MTCL1: variants seen among roughly 807,000 people sequenced by gnomAD.
MTCL1 encodes microtubule cross-linking factor 1.
MTCL1 carries 79 observed loss-of-function variants against 141.4 expected under a neutral mutation model. That is an observed-to-expected ratio of 0.56 (90% confidence interval 0.47 to 0.67). The LOEUF is 0.67. MTCL1 is among the 30% of genes least tolerant of loss of function. The pLI is 0.00. For synonymous variants in MTCL1, 914 were observed against 875.8 expected, an observed-to-expected ratio of 1.04 and a Z score of -0.77; for missense variants, 2,177 against 2,113.9, an observed-to-expected ratio of 1.03 and a Z score of -0.59.
At chr18:8,755,537 C>G (rs2096392939) in intron 4 of MTCL1, among the ~76,000 whole-genome samples, 1 of 152,140 alleles carries the variant, frequency 6.6e-6, no homozygotes, top group African/African-American at 2.4e-5. Context: ...CCTCACTCTC[C>G]CTGGGACCAG....
chr18:8,707,588 G>C (rs192792981), intron 1 of MTCL1: 1 of 152,654 alleles, frequency 6.6e-6, no homozygotes, highest in Non-Finnish European at 1.5e-5. Flanking sequence ...AAAATAAGGG[G>C]AGTTGTATTG....
intron 7 of MTCL1, among the ~76,000 whole-genome samples, chr18:8,790,483 A>G (rs1297974555): frequency 6.6e-6 from 1 of 152,214 alleles, no homozygotes; most frequent in East Asian, 1.9e-4. Flanking sequence ...AGAGCAGCCT[A>G]GGTGACCTGG....
chr18:8,819,467 G>A (rs996195582), intron 13 of MTCL1, among the ~76,000 whole-genome samples: 1 of 152,138 alleles, frequency 6.6e-6, no homozygotes, highest in Non-Finnish European at 1.5e-5. Flanking sequence ...GTTTAACTTT[G>A]CCCCCTTGTT....
intron 4 of MTCL1, among the ~76,000 whole-genome samples, chr18:8,728,201 G>A (rs2096228834): frequency 6.6e-6 from 1 of 152,104 alleles, no homozygotes; most frequent in Non-Finnish European, 1.5e-5. Flanking sequence ...TTAATTTACA[G>A]TTAATTTAAT....
chr18:8,813,152 G>C, exon 12 of MTCL1: 1 of 1,614,116 alleles, frequency 6.2e-7, no homozygotes, highest in Non-Finnish European at 8.5e-7. Context: ...ACCGGGAGAA[G>C]GTGGAACTTC....
chr18:8,819,290 C>A, intron 13 of MTCL1, 31 bp downstream of exon 12: 2 of 1,605,676 alleles, frequency 1.2e-6, no homozygotes, highest in Non-Finnish European at 8.5e-7. Context: ...CCTAGTTAAC[C>A]ACTGTGGAAT....
intron 11 of MTCL1, among the ~76,000 whole-genome samples, chr18:8,811,652 C>A (rs552007126): frequency 3.3e-4 from 50 of 152,196 alleles, no homozygotes; most frequent in African/African-American, 1.1e-3. Flanking sequence ...TTGAACTCTA[C>A]ATAGGAATAA....
chr18:8,756,418 T>C (rs2096399671), intron 4 of MTCL1, among the ~76,000 whole-genome samples: 1 of 146,786 alleles, frequency 6.8e-6, no homozygotes, highest in Non-Finnish European at 1.5e-5. Context: ...TGTATATGTG[T>C]ATATATGTGT....
At chr18:8,705,625 C>T, upstream of MTCL1, 1 of 1,214,640 alleles carries the variant, frequency 8.2e-7, no homozygotes, top group Middle Eastern at 3.1e-4. The surrounding 1 kb of genome is among the most constrained non-coding windows in gnomAD (Gnocchi z 5.2). Flanking sequence ...TCGTCCGGAG[C>T]ATCTGCTGCC....
At chr18:8,753,415 G>T (rs572071113) in intron 4 of MTCL1, among the ~76,000 whole-genome samples, 1 of 152,364 alleles carries the variant, frequency 6.6e-6, no homozygotes, top group Non-Finnish European at 1.5e-5. Context: ...GCTGGCAGAA[G>T]ACATGAGACT....
intron 10 of MTCL1, 145 bp downstream of exon 9, chr18:8,798,436 G>T (rs2076001488): frequency 3.2e-6 from 2 of 632,292 alleles, no homozygotes; most frequent in Non-Finnish European, 5.0e-6. Flanking sequence ...GTTGTCATTT[G>T]TGATGCTGGG....
exon 6 of MTCL1, chr18:8,784,614 A>C: frequency 1.2e-6 from 2 of 1,613,070 alleles, no homozygotes; most frequent in Admixed American, 1.7e-5. Context: ...GAAGAGGAGC[A>C]GGGTGAGGGG....
chr18:8,797,203 G>T (rs1353202857), intron 9 of MTCL1, among the ~76,000 whole-genome samples: 1 of 152,148 alleles, frequency 6.6e-6, no homozygotes, highest in Non-Finnish European at 1.5e-5. Context: ...GTAAAAGCTG[G>T]TTTCTAAAAC....
intron 11 of MTCL1, 24 bp downstream of exon 10, chr18:8,807,084 C>T (rs770406791): frequency 2.4e-5 from 39 of 1,601,274 alleles, no homozygotes; most frequent in Admixed American, 3.4e-5. Flanking sequence ...AGGTCTCCCT[C>T]GATCCTGACT....
chr18:8,718,653 G>T lies in MTCL1; in HGVS notation c.198+5G>T. ...AGCCTGGAGCAGGACTTGAAGGTGA[G>T]TGAGGGGGTGGTGCGTGCACCTCGC... is the stretch of plus-strand genomic sequence containing the variant. On this transcript the variant is annotated splice_donor_5th_base_variant and intron_variant, in intron 3 of 16. Coordinates refer to ENST00000359865, the Ensembl canonical transcript of MTCL1. The T allele has an allele frequency of 6.2e-7, 1 of 1,612,356 alleles. No homozygotes were observed. Among genetic ancestry groups the T allele is most frequent in the Non-Finnish European group, 8.5e-7 (1 of 1,179,890 alleles).
chr18:8,762,377 G>T (rs2096436762), intron 4 of MTCL1, among the ~76,000 whole-genome samples: 1 of 152,244 alleles, frequency 6.6e-6, no homozygotes, highest in African/African-American at 2.4e-5. Flanking sequence ...GCCATGCAGT[G>T]TGCGCTGGGA....
chr18:8,803,581 C>A (rs1012800671), intron 10 of MTCL1, among the ~76,000 whole-genome samples: 1 of 152,172 alleles, frequency 6.6e-6, no homozygotes, highest in Non-Finnish European at 1.5e-5. Flanking sequence ...GTGCTAATGG[C>A]AGGAGCTTGC....
At chr18:8,716,397 G>C, upstream of MTCL1, among the ~76,000 whole-genome samples, 1 of 152,102 alleles carries the variant, frequency 6.6e-6, no homozygotes, top group East Asian at 1.9e-4. Context: ...TGCCATATCT[G>C]TGCCCTTTCC....
At chr18:8,749,211 G>A (rs1190201521) in intron 4 of MTCL1, among the ~76,000 whole-genome samples, 1 of 152,242 alleles carries the variant, frequency 6.6e-6, no homozygotes. Context: ...AGCAATTGGA[G>A]AATGACAGGT....
Sources: gnomAD v4.1 joint callset for allele counts (sites outside exome capture counted in the v4.1 genomes callset) on GRCh38, gnomAD v4.1.1 for gene constraint, Gnocchi (gnomAD v3.1) non-coding constraint, MANE v1.5 for transcripts, NCBI Gene and HGNC (gene_info 2026-07-23, HGNC 2026-07-21) for gene names.